The following CNKSR3 variants were observed in gnomAD, a reference collection of about 807,000 sequenced individuals.
CNKSR3 encodes CNKSR family member 3, also known as connector enhancer of kinase suppressor of ras 3.
Under a neutral mutation model 67.7 loss-of-function variants are expected in CNKSR3, and 36 were observed. That is an observed-to-expected ratio of 0.53 (90% confidence interval 0.41 to 0.70). CNKSR3 has a LOEUF of 0.70. CNKSR3 is among the 30% of genes least tolerant of loss of function. The pLI is 0.00. For synonymous variants in CNKSR3, 281 were observed against 271.4 expected (o/e 1.04, Z -0.35); for missense variants, 630 against 695.2 (o/e 0.91, Z 1.05).
At position 154,388,375 on chromosome 6, in the gene CNKSR3, T is replaced by C. The variant is rs1307847927; in HGVS notation, c.*17979A>G. The C allele has an allele frequency of 2.0e-5, 3 of 152,268 alleles. No homozygotes were observed. The highest frequency in any genetic ancestry group is 2.1e-4 in the South Asian group (1 of 4,836). The allele number at this position is 152,268 out of a possible 1,614,324, so 9.4% of individuals were successfully genotyped here. A position where few individuals can be genotyped will look rare whatever the true frequency, so the allele number is the denominator to read the frequency against. Reference sequence around the variant, plus strand: ...TTTTTAAAAGCTAAATAGTATTCCATTGTATGTGTATATACATTTTCTTTA... The same window carrying C: ...TTTTTAAAAGCTAAATAGTATTCCACTGTATGTGTATATACATTTTCTTTA... On this transcript the variant is annotated 3_prime_UTR_variant, in exon 13 of 13. Transcript: ENST00000607772.
chr6:154,426,193 C>T (rs1031074719), intron 7 of CNKSR3, among the ~76,000 whole-genome samples: 1 of 152,282 alleles, frequency 6.6e-6, no homozygotes, highest in South Asian at 2.1e-4. Flanking sequence ...CCTGAGACGA[C>T]TTCCATACAG....
At chr6:154,458,503 T>C (rs1786005530) in intron 1 of CNKSR3, among the ~76,000 whole-genome samples, 2 of 152,148 alleles carry the variant, frequency 1.3e-5, no homozygotes, top group Non-Finnish European at 2.9e-5. Context: ...TACAACTCAG[T>C]GAGCTTGGAC....
In CNKSR3 at chr6:154,470,192, T is replaced by A. The variant is rs1321327486; in HGVS notation, c.53-19934A>T. Among the ~76,000 whole-genome samples, 2 of 42,608 alleles carry A rather than the reference T, an allele frequency of 4.7e-5. 1 individual carries two copies. The highest frequency in any genetic ancestry group is 8.1e-5 in the Non-Finnish European group (2 of 24,574). The allele number at this position is 42,608 out of a possible 152,430, so 28.0% of individuals were successfully genotyped here. On this transcript the variant is annotated intron_variant, in intron 1 of 12. Coordinates refer to ENST00000607772, the MANE Select transcript of CNKSR3 (RefSeq NM_173515.4). ...ATAAAGAACCTACTTTCTTTCCTTT[T>A]TTTTTTTTTTTTTTTTTTTTTTTTT...
chr6:154,497,010 G>T (rs1372354276), intron 1 of CNKSR3, among the ~76,000 whole-genome samples: 2 of 152,064 alleles, frequency 1.3e-5, no homozygotes, highest in African/African-American at 4.8e-5. Flanking sequence ...AAAAGCACCC[G>T]ATATCAAATA....
intron 9 of CNKSR3, chr6:154,414,818 C>A: frequency 2.1e-6 from 1 of 477,756 alleles, no homozygotes. Flanking sequence ...CAAGGCTGGG[C>A]ACGGCGGTTC....
intron 1 of CNKSR3, among the ~76,000 whole-genome samples, chr6:154,452,884 C>T (rs1465673532): frequency 2.6e-5 from 4 of 152,238 alleles, no homozygotes; most frequent in African/African-American, 9.6e-5. Context: ...CTGCTGACAC[C>T]TCGATCTCAG....
At chr6:154,416,227 G>T (rs543163291) in intron 9 of CNKSR3, among the ~76,000 whole-genome samples, 58 of 152,328 alleles carry the variant, frequency 3.8e-4, no homozygotes, top group Admixed American at 1.9e-3. Flanking sequence ...AGGATTGAAA[G>T]GACTGACTAG....
intron 1 of CNKSR3, among the ~76,000 whole-genome samples, chr6:154,451,541 ACAGATG>A (rs1582871953): frequency 7.0e-5 from 1 of 14,386 alleles, no homozygotes. Flanking sequence ...ACGCACACGC[ACAGATG>A]CACACACACA....
intron 9 of CNKSR3, among the ~76,000 whole-genome samples, chr6:154,421,967 A>T (rs1399585052): frequency 6.6e-6 from 1 of 151,162 alleles, no homozygotes; most frequent in Non-Finnish European, 1.5e-5. Context: ...GCAGAGATTA[A>T]CTTTTAATGT....
chr6:154,483,516 A>G (rs4352688), intron 1 of CNKSR3, among the ~76,000 whole-genome samples: 59,566 of 151,682 alleles, frequency 0.39, 12,083 homozygotes, highest in East Asian at 0.57. Flanking sequence ...TCTGGCTGGC[A>G]CTTATCCTCG....
intron 12 of CNKSR3, among the ~76,000 whole-genome samples, chr6:154,407,476 G>A (rs771222276): frequency 1.3e-5 from 2 of 152,108 alleles, no homozygotes; most frequent in South Asian, 2.1e-4. Context: ...ATGGACTCAC[G>A]GATGCTTACT....
At chr6:154,420,120 C>T (rs913498183) in intron 9 of CNKSR3, among the ~76,000 whole-genome samples, 5 of 151,734 alleles carry the variant, frequency 3.3e-5, no homozygotes, top group Admixed American at 3.3e-4. Context: ...AAAGGAAATC[C>T]TATCATGTGT....
chr6:154,503,433 C>T (rs1787037020), intron 1 of CNKSR3, among the ~76,000 whole-genome samples: 1 of 152,004 alleles, frequency 6.6e-6, no homozygotes, highest in African/African-American at 2.4e-5. Flanking sequence ...CCAGACCAGC[C>T]TGGGCAATAC....
At chr6:154,469,960 T>C (rs1379708318) in intron 1 of CNKSR3, among the ~76,000 whole-genome samples, 1 of 152,020 alleles carries the variant, frequency 6.6e-6, no homozygotes, top group Non-Finnish European at 1.5e-5. Flanking sequence ...ATTTTGAGAC[T>C]ACAAAGTTTT....
chr6:154,476,427 A>AG (rs1209567124), intron 1 of CNKSR3, among the ~76,000 whole-genome samples: 2 of 149,786 alleles, frequency 1.3e-5, no homozygotes, highest in Non-Finnish European at 3.0e-5. Context: ...ATTGCACTCC[A>AG]GCCTGGGCAA....
intron 3 of CNKSR3, 101 bp from the exon 4 acceptor site, chr6:154,441,480 T>G (rs1287382677): frequency 1.2e-6 from 1 of 839,544 alleles, no homozygotes. Context: ...TACTCTAAAT[T>G]CCTTTTTGTT....
chr6:154,477,775 G>T (rs983592008), intron 1 of CNKSR3, among the ~76,000 whole-genome samples: 5 of 152,142 alleles, frequency 3.3e-5, no homozygotes, highest in African/African-American at 1.2e-4. Context: ...GTGCATGGAG[G>T]CTCTCCCTAA....
intron 11 of CNKSR3, 134 bp from the exon 12 acceptor site, chr6:154,410,566 A>G (rs1784889849): frequency 1.6e-6 from 1 of 624,112 alleles, no homozygotes; most frequent in Admixed American, 2.9e-5. Flanking sequence ...TTTTAAAATA[A>G]AAGTATTTTA....
intron 1 of CNKSR3, among the ~76,000 whole-genome samples, chr6:154,493,782 G>C (rs938026829): frequency 1.3e-5 from 2 of 152,074 alleles, no homozygotes; most frequent in African/African-American, 4.8e-5. Context: ...AGAGGAAAGT[G>C]ATACACTGTC....
Sources: allele counts gnomAD v4.1 joint callset (sites outside exome capture counted in the v4.1 genomes callset), GRCh38; gene constraint gnomAD v4.1.1; transcripts MANE v1.5; gene names NCBI Gene and HGNC (gene_info 2026-07-23, HGNC 2026-07-21).